The following HMGB1 variants were observed in gnomAD, a reference collection of about 807,000 sequenced individuals.
The protein encoded by HMGB1 is high mobility group protein B1.
For missense variants in HMGB1, 79 were observed against 253.5 expected (o/e 0.31, Z 4.67); for synonymous variants, 81 against 84.0 (o/e 0.96, Z 0.19).
intron 1 of HMGB1, among the ~76,000 whole-genome samples, chr13:30,552,815 A>G (rs1451785338): frequency 6.6e-6 from 1 of 152,008 alleles, no homozygotes; most frequent in Non-Finnish European, 1.5e-5. Flanking sequence ...CGTGTTCTCA[A>G]TTTCACCTCT....
Position 30,475,043 on chromosome 13 carries a change from CTCTTT to C in HMGB1, c.-14-11354_-14-11350del, listed in dbSNP as rs1422733546. 3.4e-4 allele frequency among the ~76,000 whole-genome samples: 16 copies of C among 47,082 alleles called. 1 individual carries two copies. The highest frequency in any genetic ancestry group is 1.3e-3 in the African/African-American group (13 of 10,136). 30.9% of individuals were successfully genotyped at this position (47,082 alleles called of 152,430 possible). A position where few individuals can be genotyped will look rare whatever the true frequency, so the allele number is the denominator to read the frequency against. ...CGACCTCAGCTCTCTCTCTCTCTCT[CTCTTT>C]TTTTTTTTTTTTGAGACAGTCTCGC... is the stretch of plus-strand genomic sequence containing the variant. On this transcript the variant is annotated intron_variant, in intron 1 of 4. Coordinates refer to the HMGB1 transcript ENST00000405805.
At chr13:30,590,499 G>A (rs1346629256) in intron 1 of HMGB1, among the ~76,000 whole-genome samples, 3 of 151,998 alleles carry the variant, frequency 2.0e-5, no homozygotes, top group Non-Finnish European at 2.9e-5. Flanking sequence ...CACCACGCCC[G>A]GCCTAAACTT....
chr13:30,490,714 T>C (rs1887470701), intron 1 of HMGB1, among the ~76,000 whole-genome samples: 1 of 151,914 alleles, frequency 6.6e-6, no homozygotes, highest in African/African-American at 2.4e-5. Flanking sequence ...GCCCAAGAAT[T>C]TGAGGCTGCA....
At position 30,539,177 on chromosome 13, in the gene HMGB1, G is replaced by A. The variant is rs1038797937; in HGVS notation, c.-14-75483C>T. ...CTCCCAAAGTGCTGGGATTACAGGC[G>A]TAAGCCACTGCGCCCAGCCAGCCCA... On this transcript the variant is annotated intron_variant, in intron 1 of 4. Coordinates refer to the HMGB1 transcript ENST00000405805. Among the ~76,000 whole-genome samples, 12 of 152,200 alleles carry A rather than the reference G, an allele frequency of 7.9e-5. No homozygotes were observed. The South Asian group carries it at 8.3e-4, about 10-fold the overall frequency.
At chr13:30,488,726 C>A (rs566762813) in intron 1 of HMGB1, among the ~76,000 whole-genome samples, 1 of 148,712 alleles carries the variant, frequency 6.7e-6, no homozygotes, top group Non-Finnish European at 1.5e-5. Flanking sequence ...ACTATGTTGC[C>A]CAGGCTGGTT....
chr13:30,550,199 T>C (rs1869358674), intron 1 of HMGB1, among the ~76,000 whole-genome samples: 1 of 152,066 alleles, frequency 6.6e-6, no homozygotes, highest in African/African-American at 2.4e-5. Flanking sequence ...GTCATGACTA[T>C]CAGGAGCTAT....
intron 1 of HMGB1, among the ~76,000 whole-genome samples, chr13:30,476,282 C>T (rs757893297): frequency 7.2e-5 from 11 of 151,914 alleles, no homozygotes; most frequent in South Asian, 2.1e-4. Context: ...GGATTACAGG[C>T]GCAAGCCACC....
chr13:30,563,366 T>C (rs1566026280), intron 1 of HMGB1, among the ~76,000 whole-genome samples: 1 of 152,150 alleles, frequency 6.6e-6, no homozygotes, highest in Non-Finnish European at 1.5e-5. Context: ...CCTGGCACTT[T>C]GGGAGGCTGA....
chr13:30,614,987 G>C (rs554508457), intron 1 of HMGB1, among the ~76,000 whole-genome samples: 21 of 151,890 alleles, frequency 1.4e-4, no homozygotes, highest in African/African-American at 5.1e-4. Context: ...TGGGATTACA[G>C]GTGTGAGCCA....
At chr13:30,569,003 C>A (rs1870310568) in intron 1 of HMGB1, among the ~76,000 whole-genome samples, 1 of 152,080 alleles carries the variant, frequency 6.6e-6, no homozygotes, top group African/African-American at 2.4e-5. Flanking sequence ...ATGGTGAAAC[C>A]CCATCTCTAT....
intron 1 of HMGB1, among the ~76,000 whole-genome samples, chr13:30,479,603 G>A (rs911316825): frequency 1.3e-5 from 2 of 152,136 alleles, no homozygotes; most frequent in Non-Finnish European, 2.9e-5. Context: ...TAAGAATGGA[G>A]GCTTTGGAAC....
At chr13:30,507,757 G>A (rs1299660210) in intron 1 of HMGB1, among the ~76,000 whole-genome samples, 1 of 152,164 alleles carries the variant, frequency 6.6e-6, no homozygotes, top group South Asian at 2.1e-4. Flanking sequence ...TGCTTGGGAG[G>A]CTGAAGTGGG....
Position 30,457,761 on chromosome 13 carries a change from TTC to T in HMGB1, c.*3594_*3595del. The T allele has an allele frequency of 6.6e-6, 1 of 152,182 alleles. No individual in the cohort carries two copies. Among genetic ancestry groups the T allele is most frequent in the Non-Finnish European group, 1.5e-5 (1 of 68,038 alleles). 9.4% of individuals were successfully genotyped at this position (152,182 alleles called of 1,614,324 possible). ...TCATGATGTATCGTGAAACAAGCAA[TTC>T]TATAACAGAGCACTATTTTGCCTCA... is the stretch of plus-strand genomic sequence containing the variant. On this transcript the variant is annotated 3_prime_UTR_variant, in exon 5 of 5. Transcript: ENST00000341423.
intron 1 of HMGB1, chr13:30,553,991 A>G: frequency 6.7e-7 from 1 of 1,487,742 alleles, no homozygotes; most frequent in Non-Finnish European, 9.4e-7. Flanking sequence ...AGAAGACCAA[A>G]GCAGTTGTTG....
chr13:30,538,514 T>C (rs199749515), intron 1 of HMGB1, among the ~76,000 whole-genome samples: 5 of 138,758 alleles, frequency 3.6e-5, no homozygotes, highest in East Asian at 2.0e-4. Context: ...TTCTTTCCTT[T>C]CTTTCTTTCC....
intron 1 of HMGB1, among the ~76,000 whole-genome samples, chr13:30,611,999 T>G (rs886790023): frequency 9.9e-5 from 15 of 152,212 alleles, no homozygotes; most frequent in Non-Finnish European, 1.8e-4. Flanking sequence ...GTCAGCCATG[T>G]AAATTGAAAA....
At chr13:30,567,850 T>C (rs773201975) in intron 1 of HMGB1, among the ~76,000 whole-genome samples, 8 of 152,334 alleles carry the variant, frequency 5.3e-5, no homozygotes, top group Middle Eastern at 3.4e-3. Flanking sequence ...GCTTGCTCTT[T>C]ACCCAAATGT....
Position 30,461,662 on chromosome 13 carries a change from C to A in HMGB1, c.472-129G>T, listed in dbSNP as rs529965695. On this transcript the variant is annotated intron_variant, in intron 4 of 4. Coordinates refer to ENST00000341423, the MANE Select transcript of HMGB1 (RefSeq NM_002128.7). Reference sequence around the variant, plus strand: ...ACCAAAATATCACGTATCTGTAGATCCACAGCAACTCCAGAAATAACTAGA... The same window carrying A: ...ACCAAAATATCACGTATCTGTAGATACACAGCAACTCCAGAAATAACTAGA... The A allele has an allele frequency of 3.3e-5, 53 of 1,590,534 alleles. No homozygotes were observed. The East Asian group carries it at 1.1e-3, about 32-fold the overall frequency.
intron 1 of HMGB1, among the ~76,000 whole-genome samples, chr13:30,571,456 G>A (rs1170080129): frequency 2.6e-5 from 4 of 151,998 alleles, no homozygotes; most frequent in African/African-American, 4.8e-5. Flanking sequence ...CACCATGCCC[G>A]GCTAATTTTT....
Sources: gnomAD v4.1 joint callset for allele counts (sites outside exome capture counted in the v4.1 genomes callset) on GRCh38, gnomAD v4.1.1 for gene constraint, MANE v1.5 for transcripts, NCBI Gene and HGNC (gene_info 2026-07-23, HGNC 2026-07-21) for gene names.